The following AP3B1 variants were observed in gnomAD, a reference collection of about 807,000 sequenced individuals.
The protein encoded by AP3B1 is adaptor related protein complex 3 subunit beta 1, also known as AP-3 complex subunit beta-1.
A neutral mutation model predicts 132.5 loss-of-function variants in AP3B1; 61 were observed. The ratio of observed to expected loss-of-function variants is 0.46; its 90% CI spans 0.37 to 0.57. The LOEUF (loss-of-function observed/expected upper bound fraction) is 0.57, where lower values mean the gene tolerates loss of function less well. AP3B1 is among the 20% of genes least tolerant of loss of function. The probability of loss-of-function intolerance (pLI) is 0.00; values close to 1 mark genes in which losing one functional copy is unlikely to be tolerated. For synonymous variants in AP3B1, 388 were observed against 438.3 expected (o/e 0.89, Z 1.43); for missense variants, 1,120 against 1,289.4 (o/e 0.87, Z 2.01).
chr5:78,053,478 G>A (rs944967887), intron 22 of AP3B1, among the ~76,000 whole-genome samples: 2 of 151,414 alleles, frequency 1.3e-5, no homozygotes, highest in Admixed American at 6.6e-5. Flanking sequence ...TCAGGAGTTC[G>A]AGACCAGCCT....
intron 17 of AP3B1, among the ~76,000 whole-genome samples, chr5:78,119,771 A>G (rs1207989446): frequency 1.3e-5 from 2 of 152,222 alleles, no homozygotes; most frequent in Non-Finnish European, 2.9e-5. Flanking sequence ...ACTCTGCAGG[A>G]TATTATCCAG....
At position 78,289,416 on chromosome 5, in the gene AP3B1, A is replaced by G. The variant is rs369813010; in HGVS notation, c.128+5036T>C. Among the ~76,000 whole-genome samples the G allele has an allele frequency of 1.8e-4, 28 of 152,354 alleles. No individual in the cohort carries two copies. The South Asian group carries it at 5.6e-3, about 30-fold the overall frequency. Reference sequence around the variant, plus strand: ...AATACACTGGGTTGTATTACTGACTACAGGAAAGCATGCAGTACTTTGCTT... The same window carrying G: ...AATACACTGGGTTGTATTACTGACTGCAGGAAAGCATGCAGTACTTTGCTT... On this transcript the variant is annotated intron_variant, in intron 1 of 26. Coordinates refer to ENST00000255194, the MANE Select transcript of AP3B1 (RefSeq NM_003664.5).
At chr5:78,205,626 A>T (rs1432254807) in intron 7 of AP3B1, among the ~76,000 whole-genome samples, 1 of 152,184 alleles carries the variant, frequency 6.6e-6, no homozygotes, top group Non-Finnish European at 1.5e-5. Context: ...ATGTTAAAAA[A>T]GCAAAGGTCA....
intron 11 of AP3B1, among the ~76,000 whole-genome samples, chr5:78,174,986 T>C (rs1427762549): frequency 6.6e-6 from 1 of 152,266 alleles, no homozygotes; most frequent in African/African-American, 2.4e-5. Flanking sequence ...GCTGCTGCGC[T>C]AGCAGTGAGC....
At chr5:78,193,741 T>TA (rs1312837013) in intron 7 of AP3B1, among the ~76,000 whole-genome samples, 1,676 of 50,040 alleles carry the variant, frequency 0.033, 18 homozygotes, top group Non-Finnish European at 0.041. Flanking sequence ...TGTATATATT[T>TA]TTTTATATAT....
intron 6 of AP3B1, among the ~76,000 whole-genome samples, chr5:78,218,300 A>C (rs1037273541): frequency 2.0e-5 from 3 of 152,166 alleles, no homozygotes; most frequent in Admixed American, 2.0e-4. Context: ...GTTTCCAAAA[A>C]ACAGACAGTT....
chr5:78,222,889 C>T (rs1372505528), intron 6 of AP3B1, among the ~76,000 whole-genome samples: 3 of 152,044 alleles, frequency 2.0e-5, no homozygotes, highest in African/African-American at 7.2e-5. Context: ...AGGCCCCATG[C>T]TACTGTATAC....
chr5:78,268,127 TAAATAAAAAC>T (rs1224999831), intron 1 of AP3B1, among the ~76,000 whole-genome samples: 1 of 152,100 alleles, frequency 6.6e-6, no homozygotes, highest in Non-Finnish European at 1.5e-5. Context: ...GAGGTAGTAA[TAAATAAAAAC>T]TGTCTCTGAG....
intron 7 of AP3B1, among the ~76,000 whole-genome samples, chr5:78,182,320 C>A (rs1744406555): frequency 6.6e-6 from 1 of 152,224 alleles, no homozygotes; most frequent in East Asian, 1.9e-4. Context: ...TCCAATTCAA[C>A]TTCTGTTTAG....
intron 15 of AP3B1, among the ~76,000 whole-genome samples, chr5:78,135,466 T>C (rs1265867432): frequency 5.3e-5 from 8 of 152,034 alleles, no homozygotes; most frequent in Admixed American, 5.2e-4. Flanking sequence ...ACCAACAAGG[T>C]GGCAGTGGTT....
chr5:78,230,126 C>G (rs995427714), intron 3 of AP3B1, among the ~76,000 whole-genome samples: 3 of 152,284 alleles, frequency 2.0e-5, no homozygotes, highest in Non-Finnish European at 4.4e-5. Context: ...AAACCATACA[C>G]CTTTTCCAAA....
intron 23 of AP3B1, among the ~76,000 whole-genome samples, chr5:78,038,408 T>C (rs1747896466): frequency 6.6e-6 from 1 of 152,142 alleles, no homozygotes; most frequent in African/African-American, 2.4e-5. Context: ...AGAATTGTCT[T>C]GGGCCACACA....
chr5:78,127,603 C>T (rs1752515546), intron 17 of AP3B1, among the ~76,000 whole-genome samples: 1 of 152,046 alleles, frequency 6.6e-6, no homozygotes, highest in Non-Finnish European at 1.5e-5. Flanking sequence ...AAAAATGGTT[C>T]ATCAAAAAAT....
At chr5:78,214,945 A>G (rs1745895843) in intron 7 of AP3B1, among the ~76,000 whole-genome samples, 1 of 152,158 alleles carries the variant, frequency 6.6e-6, no homozygotes, top group South Asian at 2.1e-4. Context: ...AGTGAGATGA[A>G]AATCAGTATT....
chr5:78,242,499 C>T (rs1022662285), intron 2 of AP3B1, among the ~76,000 whole-genome samples: 1 of 152,114 alleles, frequency 6.6e-6, no homozygotes, highest in Non-Finnish European at 1.5e-5. Flanking sequence ...CTCCGCCTCC[C>T]GGGTTCGAGC....
chr5:78,009,503 T>C lies in AP3B1; in HGVS notation c.3131+5907A>G, dbSNP rs559599562. ...GAAACAAGTTGTTCTTTACCTGTAC[T>C]TGAATTAAATAATAAGACTTTTATT... is the stretch of plus-strand genomic sequence containing the variant. On this transcript the variant is annotated intron_variant, in intron 26 of 26. Transcript: ENST00000255194. 3.9e-5 allele frequency among the ~76,000 whole-genome samples: 6 copies of C among 152,104 alleles called. No individual in the cohort carries two copies. The East Asian group carries it at 1.2e-3, about 29-fold the overall frequency.
At chr5:78,095,280 T>TGCACTGTG (rs1297339828) in intron 21 of AP3B1, among the ~76,000 whole-genome samples, 1 of 152,260 alleles carries the variant, frequency 6.6e-6, no homozygotes, top group Non-Finnish European at 1.5e-5. Flanking sequence ...CTTCCTGGTA[T>TGCACTGTG]GCACTGTGTA....
intron 22 of AP3B1, among the ~76,000 whole-genome samples, chr5:78,046,299 G>A (rs1353291136): frequency 1.3e-5 from 2 of 152,172 alleles, no homozygotes; most frequent in African/African-American, 4.8e-5. Context: ...TCATAGGAGT[G>A]CAAACCCTAT....
intron 3 of AP3B1, among the ~76,000 whole-genome samples, chr5:78,235,259 T>C (rs1482695618): frequency 7.2e-5 from 11 of 152,344 alleles, no homozygotes; most frequent in African/African-American, 2.6e-4. Context: ...AAAGAATGGG[T>C]CCAGTTCTCC....
Sources: allele counts gnomAD v4.1 joint callset (sites outside exome capture counted in the v4.1 genomes callset), GRCh38; gene constraint gnomAD v4.1.1; transcripts MANE v1.5; gene names NCBI Gene and HGNC (gene_info 2026-07-23, HGNC 2026-07-21).